IQSEC1: variants seen among roughly 807,000 people sequenced by gnomAD.
IQSEC1 encodes IQ motif and SEC7 domain-containing protein 1.
Under a neutral mutation model 91.0 loss-of-function variants are expected in IQSEC1, and 31 were observed. That is an observed-to-expected ratio of 0.34 (90% CI 0.26 to 0.46). IQSEC1 has a LOEUF of 0.46. IQSEC1 is among the 20% of genes least tolerant of loss of function. The pLI is 1.00. For missense variants in IQSEC1, 1,388 were observed against 1,575.6 expected, an observed-to-expected ratio of 0.88 and a Z score of 2.02; for synonymous variants, 699 against 662.6, an observed-to-expected ratio of 1.05 and a Z score of -0.84.
intron 1 of IQSEC1, among the ~76,000 whole-genome samples, chr3:13,165,537 C>CGT (rs57239903): frequency 0.017 from 1,114 of 66,586 alleles, 17 homozygotes; most frequent in Non-Finnish European, 0.02. Flanking sequence ...GGGGGGGTGG[C>CGT]GTGTGTGTGT....
At chr3:13,268,745 C>A (rs1258926853) in intron 1 of IQSEC1, among the ~76,000 whole-genome samples, 1 of 152,192 alleles carries the variant, frequency 6.6e-6, no homozygotes, top group Non-Finnish European at 1.5e-5. Context: ...TCTGGAGACC[C>A]TTGTCCATGT....
intron 1 of IQSEC1, among the ~76,000 whole-genome samples, chr3:13,037,823 G>A (rs1704092521): frequency 6.6e-6 from 1 of 152,156 alleles, no homozygotes; most frequent in South Asian, 2.1e-4. Flanking sequence ...GAAATTCATG[G>A]AGAAAGAAAG....
chr3:13,013,117 C>A (rs778715594), intron 1 of IQSEC1, among the ~76,000 whole-genome samples: 1 of 152,074 alleles, frequency 6.6e-6, no homozygotes, highest in Non-Finnish European at 1.5e-5. Context: ...TGCGCCACCA[C>A]GCCCGGCTAA....
At chr3:13,158,878 C>T (rs1028138155) in intron 2 of IQSEC1, among the ~76,000 whole-genome samples, 1 of 152,086 alleles carries the variant, frequency 6.6e-6, no homozygotes, top group South Asian at 2.1e-4. Context: ...ACGAGAATCG[C>T]TGGAACCCAG....
At chr3:12,943,992 T>G (rs899982052) in intron 1 of IQSEC1, among the ~76,000 whole-genome samples, 3 of 152,062 alleles carry the variant, frequency 2.0e-5, no homozygotes, top group African/African-American at 7.2e-5. Flanking sequence ...GACAGAGGCG[T>G]CTTCCTGAGG....
At chr3:13,233,638 C>T (rs1010683176) in intron 1 of IQSEC1, among the ~76,000 whole-genome samples, 9 of 152,206 alleles carry the variant, frequency 5.9e-5, no homozygotes, top group African/African-American at 1.4e-4. Flanking sequence ...TCCTCCCCTC[C>T]GCCTGACTGT....
At chr3:13,131,896 T>A (rs143838169) in intron 2 of IQSEC1, among the ~76,000 whole-genome samples, 1 of 152,220 alleles carries the variant, frequency 6.6e-6, no homozygotes, top group Non-Finnish European at 1.5e-5. Context: ...CCCATTGTAG[T>A]TTTAATCTCT....
At chr3:13,177,679 G>A (rs1015647196) in intron 1 of IQSEC1, among the ~76,000 whole-genome samples, 16 of 152,318 alleles carry the variant, frequency 1.1e-4, no homozygotes, top group East Asian at 7.7e-4. Context: ...TGGGTCCCCC[G>A]CCGGGCCTTC....
intron 1 of IQSEC1, among the ~76,000 whole-genome samples, chr3:13,210,373 T>C (rs1694422061): frequency 6.6e-6 from 1 of 152,020 alleles, no homozygotes; most frequent in East Asian, 1.9e-4. Context: ...TGCAGGAGAA[T>C]GTTTCACGCA....
intron 2 of IQSEC1, among the ~76,000 whole-genome samples, chr3:13,083,328 T>C (rs141403659): frequency 5.9e-5 from 9 of 152,334 alleles, no homozygotes; most frequent in Non-Finnish European, 8.8e-5. Flanking sequence ...CCTCAGTCAC[T>C]CACTGGTCCT....
At chr3:13,071,976 T>C (rs1001887523) in intron 1 of IQSEC1, among the ~76,000 whole-genome samples, 2 of 152,236 alleles carry the variant, frequency 1.3e-5, no homozygotes, top group Non-Finnish European at 2.9e-5. Flanking sequence ...GAGCTGCCAC[T>C]CTATCAGGGG....
chr3:13,155,640 T>C (rs1707074459), intron 2 of IQSEC1, among the ~76,000 whole-genome samples: 1 of 152,232 alleles, frequency 6.6e-6, no homozygotes, highest in Non-Finnish European at 1.5e-5. Flanking sequence ...CAGCATTGTC[T>C]TGTACCAGAG....
rs528250956 is a variant in IQSEC1 at position 13,159,271 on chromosome 3, A to G, written c.302+4833T>C. ...ATGGTGAAACCTGTTTCTACTAAAAATATAAAAATTAGCTGGGCCTGGTGG... is the reference window on the plus strand; with the variant it reads ...ATGGTGAAACCTGTTTCTACTAAAAGTATAAAAATTAGCTGGGCCTGGTGG... On this transcript the variant is annotated intron_variant, in intron 2 of 15. Transcript: ENST00000648114. Among the ~76,000 whole-genome samples the G allele has an allele frequency of 2.0e-5, 3 of 152,204 alleles. No individual in the cohort carries two copies. In the South Asian group the frequency reaches 6.2e-4, roughly 32 times the overall value.
intron 2 of IQSEC1, among the ~76,000 whole-genome samples, chr3:13,132,301 C>G (rs1706633988): frequency 6.6e-6 from 1 of 152,192 alleles, no homozygotes; most frequent in Admixed American, 6.5e-5. Context: ...GTGAGGTTTT[C>G]CATTCTGGCT....
At chr3:13,249,714 G>A (rs1024435402) in intron 1 of IQSEC1, among the ~76,000 whole-genome samples, 2 of 152,146 alleles carry the variant, frequency 1.3e-5, no homozygotes, top group African/African-American at 4.8e-5. Flanking sequence ...CGAGGTGGGG[G>A]AGCCGGGGTC....
chr3:13,088,095 C>T (rs1435076826), intron 2 of IQSEC1, among the ~76,000 whole-genome samples: 1 of 152,220 alleles, frequency 6.6e-6, no homozygotes, highest in East Asian at 1.9e-4. Flanking sequence ...TTTCTCTTCT[C>T]TGGTGCCTGG....
Position 12,900,025 on chromosome 3 carries a change from T to G in IQSEC1, c.*958A>C. 1 of 985,424 alleles carries G rather than the reference T, an allele frequency of 1.0e-6. No homozygotes were observed. The highest frequency in any genetic ancestry group is 1.2e-6 in the Non-Finnish European group (1 of 829,926). The allele number at this position is 985,424 out of a possible 1,614,324, so 61.0% of individuals were successfully genotyped here. A position where few individuals can be genotyped will look rare whatever the true frequency, so the allele number is the denominator to read the frequency against. On this transcript the variant is annotated 3_prime_UTR_variant, in exon 14 of 14. Coordinates refer to ENST00000613206, the MANE Select transcript of IQSEC1 (RefSeq NM_001134382.3). Reference sequence around the variant, plus strand: ...AGCCATTAAAGTGTCTAAGAATCCGTGTAACCAATGTCCTAAGACAACCAG... The same window carrying G: ...AGCCATTAAAGTGTCTAAGAATCCGGGTAACCAATGTCCTAAGACAACCAG...
chr3:13,056,224 A>T (rs939636510), intron 1 of IQSEC1, among the ~76,000 whole-genome samples: 2 of 152,124 alleles, frequency 1.3e-5, no homozygotes, highest in Admixed American at 1.3e-4. Context: ...GATAGGCAAG[A>T]AGTAGAGAGA....
chr3:13,191,098 T>C (rs770274356), intron 1 of IQSEC1, among the ~76,000 whole-genome samples: 23 of 152,248 alleles, frequency 1.5e-4, no homozygotes, highest in African/African-American at 4.6e-4. Flanking sequence ...CACAGAAGAA[T>C]GCCTGTCACC....
Sources: allele counts gnomAD v4.1 joint callset (sites outside exome capture counted in the v4.1 genomes callset), GRCh38; gene constraint gnomAD v4.1.1; transcripts MANE v1.5; gene names NCBI Gene and HGNC (gene_info 2026-07-23, HGNC 2026-07-21).